Variants in RPAP3 observed in about 807,000 individuals in gnomAD.
RPAP3 encodes RNA polymerase II associated protein 3, also known as RNA polymerase II-associated protein 3.
RPAP3 carries 58 observed loss-of-function variants against 88.8 expected under a neutral mutation model. The observed-to-expected ratio is 0.65, with a 90% CI of 0.53 to 0.81. The LOEUF is 0.81. RPAP3 is among the 40% of genes least tolerant of loss of function. The probability of loss-of-function intolerance (pLI) is 0.00; values close to 1 mark genes in which losing one functional copy is unlikely to be tolerated. For missense variants in RPAP3, 751 were observed against 764.3 expected (o/e 0.98, Z 0.20); for synonymous variants, 255 against 259.9 (o/e 0.98, Z 0.18).
chr12:47,679,698 C>T lies in RPAP3; in HGVS notation c.1185+6G>A, dbSNP rs369266996. On this transcript the variant is annotated splice_donor_region_variant and intron_variant, in intron 11 of 16. Coordinates refer to ENST00000005386, the MANE Select transcript of RPAP3 (RefSeq NM_024604.3). ...TGACCATGTTTGGGTGAAAAGAATA[C>T]ATTACCTTTTTAATTTTGGAGAGTT... is the stretch of plus-strand genomic sequence containing the variant. 33 of 1,593,756 alleles carry T rather than the reference C, an allele frequency of 2.1e-5. No individual in the cohort carries two copies. The highest frequency in any genetic ancestry group is 2.8e-5 in the Non-Finnish European group (33 of 1,165,808).
chr12:47,686,757 A>G, intron 9 of RPAP3, 23 bp downstream of exon 9: 2 of 1,489,338 alleles, frequency 1.3e-6, no homozygotes, highest in Admixed American at 4.8e-5. Context: ...CCTGAACAGC[A>G]CTAAAATGTA....
intron 15 of RPAP3, among the ~76,000 whole-genome samples, chr12:47,667,484 G>A (rs547002942): frequency 1.2e-4 from 19 of 152,176 alleles, no homozygotes; most frequent in African/African-American, 4.3e-4. Context: ...TACATTCAAA[G>A]AGAATCAACT....
chr12:47,671,077 T>A (rs1303099489), intron 12 of RPAP3, among the ~76,000 whole-genome samples: 1 of 152,150 alleles, frequency 6.6e-6, no homozygotes, highest in African/African-American at 2.4e-5. Context: ...TTTAATAAAA[T>A]AAATGGCTTT....
At chr12:47,675,359 C>T (rs1277308739) in intron 12 of RPAP3, among the ~76,000 whole-genome samples, 3 of 152,216 alleles carry the variant, frequency 2.0e-5, no homozygotes, top group East Asian at 1.9e-4. Context: ...AAATAACCAG[C>T]GAACATCATA....
Position 47,661,750 on chromosome 12 carries a change from C to T in RPAP3, c.*1755G>A, listed in dbSNP as rs952439970. 2.0e-5 allele frequency: 3 copies of T among 152,184 alleles called. No homozygotes were observed. The highest frequency in any genetic ancestry group is 4.4e-5 in the Non-Finnish European group (3 of 68,028). 9.4% of individuals were successfully genotyped at this position (152,184 alleles called of 1,614,324 possible). On this transcript the variant is annotated 3_prime_UTR_variant, in exon 17 of 17. Coordinates refer to ENST00000005386, the MANE Select transcript of RPAP3 (RefSeq NM_024604.3). ...AGCTCTACATTAAGAGAAGACAGCA[C>T]GTTCTGAACTGTTTTGGCCAATTTT...
intron 5 of RPAP3, among the ~76,000 whole-genome samples, chr12:47,692,638 A>G (rs1443736567): frequency 6.6e-6 from 1 of 152,202 alleles, no homozygotes; most frequent in Non-Finnish European, 1.5e-5. Context: ...CCCATCAACA[A>G]TAAGCTTCTT....
In RPAP3 at chr12:47,679,142, C is replaced by T. The variant is rs143191531; in HGVS notation, c.1287+351G>A. Among the ~76,000 whole-genome samples, 250 of 152,300 alleles carry T rather than the reference C, an allele frequency of 1.6e-3. 4 individuals are homozygous for T. The highest frequency in any genetic ancestry group is 5.8e-3 in the African/African-American group (240 of 41,574). On this transcript the variant is annotated intron_variant, in intron 12 of 16. Coordinates refer to ENST00000005386, the MANE Select transcript of RPAP3 (RefSeq NM_024604.3). ...GAAACCATCATTCTCAGCAAACTAT[C>T]ACAAGACAGAAAACCAAACACCGCA...
At chr12:47,667,505 T>C (rs926376927) in intron 15 of RPAP3, among the ~76,000 whole-genome samples, 2 of 152,154 alleles carry the variant, frequency 1.3e-5, no homozygotes, top group African/African-American at 2.4e-5. Context: ...TCCCAAATCA[T>C]TGGAAATAGC....
At chr12:47,693,124 G>A (rs549194699) in intron 5 of RPAP3, among the ~76,000 whole-genome samples, 66 of 152,058 alleles carry the variant, frequency 4.3e-4, no homozygotes, top group African/African-American at 1.3e-3. Flanking sequence ...CAAGTGATCC[G>A]CCCGCCTCAG....
chr12:47,683,575 G>C lies in RPAP3; in HGVS notation c.993-1758C>G, dbSNP rs117300122. On this transcript the variant is annotated intron_variant, in intron 9 of 16. Coordinates refer to ENST00000005386, the MANE Select transcript of RPAP3 (RefSeq NM_024604.3). ...TTTCTAAAAGTCTGAAGTTGCCACAGAGGTAGACGATTATTCTTTGAAAAT... is the reference window on the plus strand; with the variant it reads ...TTTCTAAAAGTCTGAAGTTGCCACACAGGTAGACGATTATTCTTTGAAAAT... Among the ~76,000 whole-genome samples the C allele has an allele frequency of 5.4e-3, 830 of 152,310 alleles. 4 individuals are homozygous for C. The highest frequency in any genetic ancestry group is 0.01 in the Non-Finnish European group (690 of 68,020).
At position 47,670,451 on chromosome 12, in the gene RPAP3, T is replaced by C; in HGVS notation, c.1288-106A>G. 3 of 651,086 alleles carry C rather than the reference T, an allele frequency of 4.6e-6. No individual in the cohort carries two copies. The South Asian group carries it at 5.9e-5, about 13-fold the overall frequency. The allele number at this position is 651,086 out of a possible 1,614,324, so 40.3% of individuals were successfully genotyped here. On this transcript the variant is annotated intron_variant, in intron 12 of 16. Coordinates refer to ENST00000005386, the MANE Select transcript of RPAP3 (RefSeq NM_024604.3). ...GATCTTACAGCTAATATCCCAGTGA[T>C]TAGTAAATTCAATTTGGTGGCTAGA... is the stretch of plus-strand genomic sequence containing the variant.
At chr12:47,675,046 C>A (rs61917593) in intron 12 of RPAP3, among the ~76,000 whole-genome samples, 2,614 of 152,316 alleles carry the variant, frequency 0.017, 43 homozygotes, top group Non-Finnish European at 0.025. Flanking sequence ...AACAGCAGAT[C>A]TCTCAGCAGA....
At chr12:47,677,473 G>T (rs1412667034) in intron 12 of RPAP3, among the ~76,000 whole-genome samples, 1 of 152,052 alleles carries the variant, frequency 6.6e-6, no homozygotes, top group Non-Finnish European at 1.5e-5. Flanking sequence ...CAGATGACAT[G>T]ATTGTATATT....
chr12:47,689,584 C>A (rs971933213), intron 6 of RPAP3, among the ~76,000 whole-genome samples: 3 of 152,166 alleles, frequency 2.0e-5, no homozygotes, highest in African/African-American at 7.2e-5. Context: ...AGTAGTCTTC[C>A]CACCTTGGCC....
At chr12:47,681,943 G>T in intron 9 of RPAP3, 126 bp from the exon 10 acceptor site, 1 of 871,116 alleles carries the variant, frequency 1.1e-6, no homozygotes, top group Admixed American at 3.8e-5. Context: ...ATCTGTGTTT[G>T]AAGTGGAGAA....
chr12:47,697,482 A>G, intron 4 of RPAP3, 115 bp downstream of exon 4: 2 of 982,388 alleles, frequency 2.0e-6, no homozygotes, highest in Non-Finnish European at 2.9e-6. Flanking sequence ...ATGTAGCCAA[A>G]AACAACATAA....
At chr12:47,670,589 A>G (rs1938977912) in intron 12 of RPAP3, among the ~76,000 whole-genome samples, 1 of 152,214 alleles carries the variant, frequency 6.6e-6, no homozygotes, top group Non-Finnish European at 1.5e-5. Flanking sequence ...GGCCATGGTC[A>G]TGTTTAAGAG....
intron 7 of RPAP3, 33 bp from the exon 8 acceptor site, chr12:47,688,034 A>G (rs1247435762): frequency 1.3e-6 from 2 of 1,578,748 alleles, no homozygotes; most frequent in Admixed American, 1.8e-5. Flanking sequence ...AAAATAAAAC[A>G]AAGTAATGCA....
intron 16 of RPAP3, among the ~76,000 whole-genome samples, chr12:47,665,411 C>A (rs975488892): frequency 6.6e-6 from 1 of 151,378 alleles, no homozygotes; most frequent in Admixed American, 6.6e-5. Context: ...GCCACTGCAC[C>A]CGCCTGACAG....
Sources: allele counts gnomAD v4.1 joint callset (sites outside exome capture counted in the v4.1 genomes callset), GRCh38; gene constraint gnomAD v4.1.1; transcripts MANE v1.5; gene names NCBI Gene and HGNC (gene_info 2026-07-23, HGNC 2026-07-21).